Variants in NAT2 observed in about 807,000 individuals in gnomAD.
NAT2 encodes arylamine N-acetyltransferase 2.
For synonymous variants in NAT2, 137 were observed against 125.9 expected (o/e 1.09, Z -0.59); for missense variants, 428 against 339.1 (o/e 1.26, Z -2.06).
chr8:18,392,876 G>C (rs1056036906), intron 1 of NAT2, among the ~76,000 whole-genome samples: 1 of 152,186 alleles, frequency 6.6e-6, no homozygotes. Flanking sequence ...GCTAGCAAAG[G>C]TGGCCTTGTT....
intron 1 of NAT2, among the ~76,000 whole-genome samples, chr8:18,399,726 G>A (rs1800754213): frequency 1.3e-5 from 2 of 151,926 alleles, no homozygotes; most frequent in Non-Finnish European, 2.9e-5. Flanking sequence ...TTACCATTTG[G>A]CTCCTTATTT....
At position 18,400,328 on chromosome 8, in the gene NAT2, C is replaced by T; in HGVS notation, c.325C>T (p.Leu109Phe). The stretch of plus-strand genomic sequence containing the variant: ...ATACAGCACTGGCATGGTTCACCTT[C>T]TCCTGCAGGTGACCATTGACGGCAG... ...NKYSTGMVHLLLQVTIDGRNY... is the reference protein window; with the variant it reads ...NKYSTGMVHLFLQVTIDGRNY... Residue 109 changes from leucine (L) to phenylalanine (F), a missense_variant, in exon 2 of 2, where the codon CTC becomes TTC. Physicochemically the swap from Leu to Phe is conservative, Grantham distance 22. Transcript: ENST00000286479. 6.2e-7 allele frequency: 1 copy of T among 1,613,706 alleles called. No homozygotes were observed.
At chr8:18,386,767 GAA>G (rs1800511719), upstream of NAT2, among the ~76,000 whole-genome samples, 1 of 152,142 alleles carries the variant, frequency 6.6e-6, no homozygotes, top group Non-Finnish European at 1.5e-5. Flanking sequence ...AAACCTCTGG[GAA>G]GCTCTCAGGC....
intron 1 of NAT2, among the ~76,000 whole-genome samples, chr8:18,395,778 A>G (rs929495598): frequency 2.6e-5 from 4 of 152,172 alleles, no homozygotes; most frequent in Admixed American, 2.6e-4. Flanking sequence ...ACAAATTACA[A>G]TCACCAAACA....
At chr8:18,396,616 G>A (rs1381082977) in intron 1 of NAT2, among the ~76,000 whole-genome samples, 1 of 152,010 alleles carries the variant, frequency 6.6e-6, no homozygotes, top group South Asian at 2.1e-4. Flanking sequence ...GGATGGTCTC[G>A]AACCCCTGAC....
chr8:18,397,935 C>CA (rs45462595), intron 1 of NAT2, among the ~76,000 whole-genome samples: 2 of 151,892 alleles, frequency 1.3e-5, no homozygotes, highest in Admixed American at 6.6e-5. Context: ...CTTAAAGCTT[C>CA]AAAAAAAGCA....
chr8:18,400,100 C>T lies in NAT2; in HGVS notation c.97C>T (p.Arg33Trp), dbSNP rs763283305. The T allele has an allele frequency of 1.9e-5, 30 of 1,613,808 alleles. No individual in the cohort carries two copies. Among genetic ancestry groups the T allele is most frequent in the Middle Eastern group, 1.6e-4 (1 of 6,082 alleles). ...AACTGACATTCTTGAGCACCAGATC[C>T]GGGCTGTTCCCTTTGAGAACCTTAA... The part of the protein sequence containing the change: ...TLTDILEHQI[R>W]AVPFENLNMH... The change falls in exon 2 of 2, where the codon CGG (arginine) becomes TGG (tryptophan). Residue 33 changes from arginine to tryptophan, a missense_variant. Physicochemically the swap from Arg to Trp is moderately radical, Grantham distance 101 (BLOSUM62 -3). Coordinates refer to ENST00000286479, the MANE Select transcript of NAT2 (RefSeq NM_000015.3).
chr8:18,400,393 G>A lies in NAT2; in HGVS notation c.390G>A (p.Gln130=). 1 of 1,612,038 alleles carries A rather than the reference G, an allele frequency of 6.2e-7. No individual in the cohort carries two copies. Residue 130 remains glutamine (Q), a synonymous_variant, in exon 2 of 2, where the codon CAG becomes CAA. Transcript: ENST00000286479. ...IVDAGSGSSS[Q]MWQPLELISG... ...ATGCTGGGTCTGGAAGCTCCTCCCA[G>A]ATGTGGCAGCCTCTAGAATTAATTT...
upstream of NAT2, among the ~76,000 whole-genome samples, chr8:18,389,626 C>T (rs189220805): frequency 1.1e-4 from 17 of 152,318 alleles, no homozygotes; most frequent in African/African-American, 3.8e-4. Flanking sequence ...TTCTTCTATA[C>T]AAGAGGACAG....
chr8:18,387,041 G>A (rs1402997258), upstream of NAT2: 3 of 152,444 alleles, frequency 2.0e-5, no homozygotes, highest in African/African-American at 7.2e-5. Context: ...CCCCAGGTGG[G>A]AAAGGCCCAG....
rs186884477 is a variant in NAT2, at chr8:18,400,011, T to A, written c.8T>A (p.Ile3Asn). The A allele has an allele frequency of 3.0e-5, 48 of 1,584,926 alleles. 1 individual carries two copies. In the South Asian group the frequency reaches 3.4e-4, roughly 11 times the overall value. The change falls in exon 2 of 2, where the codon ATT (isoleucine) becomes AAT (asparagine). Residue 3 changes from isoleucine to asparagine, a missense_variant. Coordinates refer to ENST00000286479, the MANE Select transcript of NAT2 (RefSeq NM_000015.3). ...TTTCTTGCTTAGGGGATCATGGACA[T>A]TGAAGCATATTTTGAAAGAATTGGC... is the stretch of plus-strand genomic sequence containing the variant. MD[I>N]EAYFERIGYK...
rs1476310549 is a variant in NAT2, at chr8:18,400,204, G to A, written c.201G>A (p.Trp67Ter). 2 of 1,612,922 alleles carry A rather than the reference G, an allele frequency of 1.2e-6. No homozygotes were observed. The highest frequency in any genetic ancestry group is 1.7e-6 in the Non-Finnish European group (2 of 1,179,188). The change falls in exon 2 of 2, where the codon TGG becomes TGA. Residue 67 changes from tryptophan to a stop codon, truncating the protein, a stop_gained. Transcript: ENST00000286479. LOFTEE classifies it low-confidence loss of function (END_TRUNC). ...TTGTAAGAAGAAACCGGGGTGGGTG[G>A]TGTCTCCAGGTCAATCAACTTCTGT... ...DHIVRRNRGGWCLQVNQLLYW... is the reference protein window; with the variant it reads ...DHIVRRNRGG
At chr8:18,398,753 A>G (rs569219313) in intron 1 of NAT2, among the ~76,000 whole-genome samples, 2 of 152,304 alleles carry the variant, frequency 1.3e-5, no homozygotes, top group East Asian at 3.9e-4. Context: ...GCCTTGCAGC[A>G]TAATACATGT....
At chr8:18,389,996 G>A (rs949711110), upstream of NAT2, among the ~76,000 whole-genome samples, 1 of 152,218 alleles carries the variant, frequency 6.6e-6, no homozygotes, top group African/African-American at 2.4e-5. Context: ...TTGGCAGGCT[G>A]CCTGCAAAGA....
chr8:18,400,672 T>G lies in NAT2; in HGVS notation c.669T>G (p.Cys223Trp), dbSNP rs1344597702. Residue 223 changes from cysteine (C) to tryptophan (W), a missense_variant, in exon 2 of 2, where the codon TGT becomes TGG. Cys to Trp is a radical substitution (Grantham distance 215). Transcript: ENST00000286479. Reference protein sequence around the residue: ...PTSSFITTSFCSLQTPEGVYC... With the variant: ...PTSSFITTSFWSLQTPEGVYC... ...CTTCATTTATAACCACATCATTTTGTTCCTTGCAGACCCCAGAAGGGGTTT... is the reference window on the plus strand; with the variant it reads ...CTTCATTTATAACCACATCATTTTGGTCCTTGCAGACCCCAGAAGGGGTTT... 2 of 1,613,884 alleles carry G rather than the reference T, an allele frequency of 1.2e-6. No homozygotes were observed. Among genetic ancestry groups the G allele is most frequent in the Non-Finnish European group, 1.7e-6 (2 of 1,179,980 alleles).
chr8:18,393,372 G>A (rs558010265), intron 1 of NAT2, among the ~76,000 whole-genome samples: 4 of 152,034 alleles, frequency 2.6e-5, no homozygotes, highest in Non-Finnish European at 4.4e-5. Flanking sequence ...AAATATCTAC[G>A]TCCCATTCCA....
At chr8:18,399,850 A>G in intron 1 of NAT2, 148 bp from the exon 2 acceptor site, 1 of 907,876 alleles carries the variant, frequency 1.1e-6, no homozygotes, top group Admixed American at 3.1e-5. Context: ...TTCATGCAGT[A>G]GAAATACTAA....
intron 1 of NAT2, among the ~76,000 whole-genome samples, chr8:18,394,117 GGTT>G (rs1461760110): frequency 6.6e-6 from 1 of 152,104 alleles, no homozygotes; most frequent in Non-Finnish European, 1.5e-5. Flanking sequence ...GTCAAAGGGG[GGTT>G]GTTCTCTGGC....
chr8:18,386,392 T>G (rs1372062141), upstream of NAT2, among the ~76,000 whole-genome samples: 2 of 152,134 alleles, frequency 1.3e-5, no homozygotes, highest in Non-Finnish European at 2.9e-5. Context: ...TCTGGAAAGG[T>G]ACAGCTCCCT....
Sources: allele counts gnomAD v4.1 joint callset (sites outside exome capture counted in the v4.1 genomes callset), GRCh38; gene constraint gnomAD v4.1.1; transcripts MANE v1.5; gene names NCBI Gene and HGNC (gene_info 2026-07-23, HGNC 2026-07-21).